UQCC1: variants seen among roughly 807,000 people sequenced by gnomAD.
UQCC1 encodes the protein ubiquinol-cytochrome c reductase complex assembly factor 1.
A neutral mutation model predicts 48.0 loss-of-function variants in UQCC1; 38 were observed. The observed-to-expected ratio is 0.79, with a 90% confidence interval of 0.61 to 1.04. The LOEUF (loss-of-function observed/expected upper bound fraction) is 1.04, where lower values mean the gene tolerates loss of function less well. Ranked by LOEUF, UQCC1 falls within the 50% of genes least tolerant of loss-of-function variation. The pLI, the probability that UQCC1 is intolerant of heterozygous loss-of-function variation, is 0.00. For synonymous variants in UQCC1, 111 were observed against 129.2 expected, an observed-to-expected ratio of 0.86 and a Z score of 0.95; for missense variants, 368 against 381.8, an observed-to-expected ratio of 0.96 and a Z score of 0.30.
At chr20:35,321,266 G>A (rs2061122680) in intron 7 of UQCC1, among the ~76,000 whole-genome samples, 1 of 150,124 alleles carries the variant, frequency 6.7e-6, no homozygotes, top group African/African-American at 2.5e-5. Flanking sequence ...GTGTGTGTGT[G>A]TGTGTGTGTG....
At chr20:35,374,467 T>C (rs1383475092) in intron 4 of UQCC1, among the ~76,000 whole-genome samples, 3 of 152,224 alleles carry the variant, frequency 2.0e-5, no homozygotes, top group African/African-American at 7.2e-5. Flanking sequence ...TTTAGGACTT[T>C]AGCATGAAAA....
At chr20:35,396,284 C>CTTTTTTT (rs34830667) in intron 1 of UQCC1, among the ~76,000 whole-genome samples, 1 of 94,376 alleles carries the variant, frequency 1.1e-5, no homozygotes. Flanking sequence ...TGTGCCTGGC[C>CTTTTTTT]TTTTTTTTTT....
chr20:35,338,115 A>C (rs987820805), intron 7 of UQCC1, among the ~76,000 whole-genome samples: 1 of 151,468 alleles, frequency 6.6e-6, no homozygotes, highest in Non-Finnish European at 1.5e-5. Context: ...AGACACTCAG[A>C]CTCTAAACGA....
chr20:35,385,728 T>C (rs2061933687), intron 2 of UQCC1, among the ~76,000 whole-genome samples: 1 of 152,162 alleles, frequency 6.6e-6, no homozygotes, highest in East Asian at 1.9e-4. Flanking sequence ...CTCAAACTCC[T>C]GGGCTCAAGT....
At chr20:35,306,984 C>A in intron 8 of UQCC1, 1 of 602,734 alleles carries the variant, frequency 1.7e-6, no homozygotes, top group Admixed American at 2.3e-5. Context: ...TTATTACATA[C>A]AGAGGGAGAA....
chr20:35,305,303 C>T (rs2060916256), intron 9 of UQCC1, among the ~76,000 whole-genome samples: 1 of 152,198 alleles, frequency 6.6e-6, no homozygotes, highest in African/African-American at 2.4e-5. Context: ...TCCCAAGAAC[C>T]CCTTCACGGT....
intron 7 of UQCC1, among the ~76,000 whole-genome samples, chr20:35,338,880 AAAAAAAAAAAAAATAT>A (rs1568666096): frequency 1.7e-5 from 1 of 60,496 alleles, no homozygotes; most frequent in African/African-American, 2.2e-4. Flanking sequence ...AAAAAAAAAA[AAAAAAAAAAAAAATAT>A]ATATATATAT....
chr20:35,393,419 A>G (rs1398257679), intron 2 of UQCC1, among the ~76,000 whole-genome samples: 1 of 152,058 alleles, frequency 6.6e-6, no homozygotes. Context: ...GTACCAGAAT[A>G]TAAACTTCTG....
chr20:35,409,319 A>T (rs894129354), intron 1 of UQCC1: 1 of 152,496 alleles, frequency 6.6e-6, no homozygotes, highest in Non-Finnish European at 1.5e-5. Context: ...AAATACAAAA[A>T]ATTAGCTGAA....
intron 4 of UQCC1, among the ~76,000 whole-genome samples, chr20:35,381,527 C>A (rs1319026425): frequency 6.6e-6 from 1 of 152,090 alleles, no homozygotes; most frequent in Non-Finnish European, 1.5e-5. Context: ...GGCACGTGGG[C>A]AAAGATATTT....
chr20:35,327,182 C>T (rs1384670041), intron 7 of UQCC1, among the ~76,000 whole-genome samples: 3 of 152,232 alleles, frequency 2.0e-5, no homozygotes. Flanking sequence ...GGGGCGGGGT[C>T]ACCCTAATGA....
chr20:35,309,348 C>T, intron 8 of UQCC1: 1 of 369,938 alleles, frequency 2.7e-6, no homozygotes, highest in South Asian at 1.9e-5. Context: ...GGGATGATCA[C>T]CTGGGCCTGG....
chr20:35,365,581 T>C (rs1295329678), intron 6 of UQCC1, among the ~76,000 whole-genome samples: 1 of 147,734 alleles, frequency 6.8e-6, no homozygotes, highest in Non-Finnish European at 1.5e-5. Flanking sequence ...CACTTGAACC[T>C]GGGAGACGGA....
chr20:35,321,839 C>T (rs1443441157), intron 7 of UQCC1, among the ~76,000 whole-genome samples: 5 of 152,184 alleles, frequency 3.3e-5, no homozygotes, highest in Non-Finnish European at 7.4e-5. Flanking sequence ...GCAGAACCAG[C>T]AGCCCTAATT....
intron 8 of UQCC1, among the ~76,000 whole-genome samples, chr20:35,314,184 G>A (rs1347316706): frequency 3.3e-5 from 5 of 150,068 alleles, no homozygotes; most frequent in African/African-American, 4.9e-5. Context: ...GGCTGGTCTC[G>A]AACTCCTGAC....
intron 1 of UQCC1, among the ~76,000 whole-genome samples, chr20:35,395,162 G>A (rs2062059456): frequency 6.6e-6 from 1 of 152,104 alleles, no homozygotes. Flanking sequence ...ACGTAGACAT[G>A]ATTGATTATC....
chr20:35,311,702 T>C (rs1396817618), intron 8 of UQCC1, among the ~76,000 whole-genome samples: 1 of 152,202 alleles, frequency 6.6e-6, no homozygotes, highest in Non-Finnish European at 1.5e-5. Flanking sequence ...GAAAAACTTC[T>C]AGAATTGCAC....
chr20:35,367,837 C>T (rs1600957529), intron 5 of UQCC1, among the ~76,000 whole-genome samples: 1 of 152,232 alleles, frequency 6.6e-6, no homozygotes, highest in African/African-American at 2.4e-5. Flanking sequence ...AATAAGAAAG[C>T]ATATTGTACT....
At chr20:35,307,040 T>C (rs1249683436) in intron 8 of UQCC1, 4 of 511,372 alleles carry the variant, frequency 7.8e-6, no homozygotes, top group African/African-American at 3.9e-5. Context: ...GATGCAGAGC[T>C]GGGACTCAGG....
Sources: allele counts gnomAD v4.1 joint callset (sites outside exome capture counted in the v4.1 genomes callset), GRCh38; gene constraint gnomAD v4.1.1; transcripts MANE v1.5; gene names NCBI Gene and HGNC (gene_info 2026-07-23, HGNC 2026-07-21).